The following DIAPH3 variants were observed in gnomAD, a reference collection of about 807,000 sequenced individuals.
The protein encoded by DIAPH3 is diaphanous related formin 3, also known as protein diaphanous homolog 3.
DIAPH3 carries 117 observed loss-of-function variants against 144.3 expected under a neutral mutation model. The observed-to-expected ratio is 0.81, with a 90% confidence interval of 0.70 to 0.95. The LOEUF (loss-of-function observed/expected upper bound fraction) is 0.95. DIAPH3 is among the 40% of genes least tolerant of loss of function. The pLI, the probability that DIAPH3 is intolerant of heterozygous loss-of-function variation, is 0.00. For missense variants in DIAPH3, 1,421 were observed against 1,412.7 expected (o/e 1.01, Z -0.09); for synonymous variants, 519 against 488.9 (o/e 1.06, Z -0.81).
At position 59,666,471 on chromosome 13, in the gene DIAPH3, C is replaced by A. The variant is rs1427024033; in HGVS notation, c.*113G>T. The stretch of plus-strand genomic sequence containing the variant: ...TTAGCTTTATTTTTCTAATATATAT[C>A]ATAATTTAAAACTATATAAAGTCAC... On this transcript the variant is annotated 3_prime_UTR_variant, in exon 28 of 28. Coordinates refer to ENST00000400324, the MANE Select transcript of DIAPH3 (RefSeq NM_001042517.2). 9 of 1,209,222 alleles carry A rather than the reference C, an allele frequency of 7.4e-6. No individual in the cohort carries two copies. In the South Asian group the frequency reaches 7.7e-5, roughly 10 times the overall value. The allele number at this position is 1,209,222 out of a possible 1,614,324, so 74.9% of individuals were successfully genotyped here.
At chr13:59,918,030 C>A (rs2047314742) in intron 18 of DIAPH3, among the ~76,000 whole-genome samples, 1 of 151,198 alleles carries the variant, frequency 6.6e-6, no homozygotes, top group Admixed American at 6.6e-5. Context: ...ATTCTCCACC[C>A]TCACAGAAAC....
chr13:60,033,914 ACTT>A (rs1395042057), intron 5 of DIAPH3, among the ~76,000 whole-genome samples: 3 of 152,142 alleles, frequency 2.0e-5, no homozygotes, highest in African/African-American at 4.8e-5. Context: ...AAAAATTAAA[ACTT>A]CTTCTATTGT....
intron 25 of DIAPH3, among the ~76,000 whole-genome samples, chr13:59,779,636 C>T (rs1365464479): frequency 1.3e-5 from 2 of 151,886 alleles, no homozygotes; most frequent in Non-Finnish European, 2.9e-5. Flanking sequence ...CTCAGCCTCC[C>T]AAGTAGCTGG....
At chr13:59,931,764 G>A (rs1214975568) in intron 17 of DIAPH3, among the ~76,000 whole-genome samples, 1 of 152,214 alleles carries the variant, frequency 6.6e-6, no homozygotes, top group Non-Finnish European at 1.5e-5. Flanking sequence ...TTAGATAAAC[G>A]ATGGTGATGT....
intron 25 of DIAPH3, among the ~76,000 whole-genome samples, chr13:59,786,492 CT>C (rs1418049258): frequency 6.6e-6 from 1 of 152,044 alleles, no homozygotes; most frequent in Non-Finnish European, 1.5e-5. Context: ...GATTTAGGTT[CT>C]GTTGTAAGAA....
At chr13:59,814,909 C>A (rs530059989) in intron 24 of DIAPH3, among the ~76,000 whole-genome samples, 1 of 152,164 alleles carries the variant, frequency 6.6e-6, no homozygotes, top group Admixed American at 6.5e-5. Flanking sequence ...TTTTTATATA[C>A]CACACGTAAG....
At chr13:60,137,016 G>A (rs1008137148) in intron 1 of DIAPH3, among the ~76,000 whole-genome samples, 5 of 152,098 alleles carry the variant, frequency 3.3e-5, no homozygotes, top group Non-Finnish European at 5.9e-5. Context: ...TGATATTAAA[G>A]AATATGAGGG....
chr13:59,666,421 T>A lies in DIAPH3; in HGVS notation c.*163A>T. 2 of 815,320 alleles carry A rather than the reference T, an allele frequency of 2.5e-6. No homozygotes were observed. The highest frequency in any genetic ancestry group is 2.1e-5 in the South Asian group (1 of 46,810). 50.5% of individuals were successfully genotyped at this position (815,320 alleles called of 1,614,324 possible). A position where few individuals can be genotyped will look rare whatever the true frequency, so the allele number is the denominator to read the frequency against. The stretch of plus-strand genomic sequence containing the variant: ...TGAATAAACCAAAACCTCCAGTACA[T>A]AGAAAAAGCATTGCAATCATATATT... On this transcript the variant is annotated 3_prime_UTR_variant, in exon 28 of 28. Coordinates refer to ENST00000400324, the MANE Select transcript of DIAPH3 (RefSeq NM_001042517.2).
At chr13:59,975,144 A>G (rs1437235339) in intron 14 of DIAPH3, among the ~76,000 whole-genome samples, 1 of 151,924 alleles carries the variant, frequency 6.6e-6, no homozygotes, top group Non-Finnish European at 1.5e-5. Flanking sequence ...CTTTGCCATT[A>G]TTATGACTAA....
At chr13:59,805,821 C>A (rs2040164283) in intron 25 of DIAPH3, among the ~76,000 whole-genome samples, 2 of 151,840 alleles carry the variant, frequency 1.3e-5, no homozygotes, top group Admixed American at 6.6e-5. Context: ...AAATTTAGTC[C>A]ACTATTTTTA....
intron 27 of DIAPH3, among the ~76,000 whole-genome samples, chr13:59,754,271 T>C (rs184774565): frequency 6.6e-6 from 1 of 152,320 alleles, no homozygotes; most frequent in Admixed American, 6.5e-5. Flanking sequence ...CTGGGTTTAA[T>C]TCTTGCCTCT....
chr13:59,796,382 A>AG (rs2039604928), intron 25 of DIAPH3, among the ~76,000 whole-genome samples: 1 of 152,252 alleles, frequency 6.6e-6, no homozygotes, highest in Non-Finnish European at 1.5e-5. Flanking sequence ...TAGTTTATGC[A>AG]TGTTAATGAG....
intron 27 of DIAPH3, among the ~76,000 whole-genome samples, chr13:59,758,213 G>C (rs1318524910): frequency 6.6e-6 from 1 of 152,096 alleles, no homozygotes; most frequent in African/African-American, 2.4e-5. Context: ...TACACTCCTA[G>C]GTGTATGTCT....
chr13:59,741,605 T>G lies in DIAPH3; in HGVS notation c.3319+32584A>C, dbSNP rs989864499. On this transcript the variant is annotated intron_variant, in intron 27 of 27. Transcript: ENST00000400324. ...TCCTGTTTCAAAAAATAAAAATTGG[T>G]CAGGCAGGAGCTGAGGTGGAAGGAT... Among the ~76,000 whole-genome samples, 5 of 150,256 alleles carry G rather than the reference T, an allele frequency of 3.3e-5. No homozygotes were observed. In the Admixed American group the frequency reaches 3.4e-4, roughly 10 times the overall value.
intron 4 of DIAPH3, among the ~76,000 whole-genome samples, chr13:60,053,504 G>T (rs939160252): frequency 6.6e-6 from 1 of 151,888 alleles, no homozygotes; most frequent in Non-Finnish European, 1.5e-5. Flanking sequence ...GTATTCTAAG[G>T]TACAAAAAGT....
intron 20 of DIAPH3, among the ~76,000 whole-genome samples, chr13:59,910,178 A>T (rs543094066): frequency 6.6e-6 from 1 of 151,290 alleles, no homozygotes; most frequent in Non-Finnish European, 1.5e-5. Flanking sequence ...AACATAGGTA[A>T]AAAAAAAACA....
intron 20 of DIAPH3, among the ~76,000 whole-genome samples, chr13:59,906,018 G>T (rs2046715975): frequency 1.3e-5 from 2 of 152,108 alleles, no homozygotes; most frequent in South Asian, 4.1e-4. Flanking sequence ...TAAGAAAATG[G>T]AGGTATCAAA....
intron 27 of DIAPH3, among the ~76,000 whole-genome samples, chr13:59,733,244 C>A (rs2035973797): frequency 6.6e-6 from 1 of 152,138 alleles, no homozygotes; most frequent in South Asian, 2.1e-4. Flanking sequence ...AACAGATAAG[C>A]ACATTAATGA....
chr13:59,799,929 T>C (rs1449738856), intron 25 of DIAPH3, among the ~76,000 whole-genome samples: 2 of 152,228 alleles, frequency 1.3e-5, no homozygotes, highest in Non-Finnish European at 2.9e-5. Context: ...AAATGTTTCA[T>C]ATCATGTCCC....
Sources: allele counts gnomAD v4.1 joint callset (sites outside exome capture counted in the v4.1 genomes callset), GRCh38; gene constraint gnomAD v4.1.1; transcripts MANE v1.5; gene names NCBI Gene and HGNC (gene_info 2026-07-23, HGNC 2026-07-21).